Variants in PCDHA3 observed in about 807,000 individuals in gnomAD.
PCDHA3 encodes protocadherin alpha-3.
A neutral mutation model predicts 62.2 loss-of-function variants in PCDHA3; 41 were observed. The observed-to-expected ratio is 0.66, with a 90% CI of 0.51 to 0.86. The LOEUF is 0.86. Ranked by LOEUF, PCDHA3 falls within the 40% of genes least tolerant of loss-of-function variation. The probability of loss-of-function intolerance (pLI) is 0.00; values close to 1 mark genes in which losing one functional copy is unlikely to be tolerated. For synonymous variants in PCDHA3, 640 were observed against 555.4 expected, an observed-to-expected ratio of 1.15 and a Z score of -2.14; for missense variants, 1,304 against 1,241.2, an observed-to-expected ratio of 1.05 and a Z score of -0.76.
rs1762908947 is a variant in PCDHA3, at chr5:140,802,416, T to C, written c.1219T>C (p.Leu407=). The change falls in exon 1 of 4, where the codon TTG becomes CTG. Residue 407 remains leucine, a synonymous_variant. Transcript: ENST00000522353. ...LVSTFKNYYS[L]VLDSPLDRES... is the part of the protein sequence containing the mutation. ...GTCCACCTTCAAGAATTACTACTCA[T>C]TGGTGCTGGACAGCCCTCTGGACCG... 2.5e-6 allele frequency: 4 copies of C among 1,614,218 alleles called. No individual in the cohort carries two copies. The highest frequency in any genetic ancestry group is 2.7e-5 in the African/African-American group (2 of 75,070).
At chr5:140,926,281 T>A (rs2083071196) in intron 1 of PCDHA3, 1 of 152,306 alleles carries the variant, frequency 6.6e-6, no homozygotes, top group African/African-American at 2.4e-5. Context: ...GCTCGGCAGC[T>A]CCACGCTGAG....
At chr5:140,807,199 C>T (rs1554123792) in intron 1 of PCDHA3, 1 of 1,613,498 alleles carries the variant, frequency 6.2e-7, no homozygotes, top group Non-Finnish European at 8.5e-7. Flanking sequence ...TGGAGTTTTC[C>T]TGGGGAAGCG....
Position 140,823,863 on chromosome 5 carries a change from C to A in PCDHA3, c.2394+20272C>A, listed in dbSNP as rs139591086. 8 of 1,613,882 alleles carry A rather than the reference C, an allele frequency of 5.0e-6. No individual in the cohort carries two copies. In the African/African-American group the frequency reaches 8.0e-5, roughly 16 times the overall value. On this transcript the variant is annotated intron_variant, in intron 1 of 3. Transcript: ENST00000522353. ...CCGAGGCTGCCCTGGTGGATGTCAA[C>A]GTGTACCTGATCATCGCCATCTGTG... is the stretch of plus-strand genomic sequence containing the variant.
At position 140,822,525 on chromosome 5, in the gene PCDHA3, G is replaced by T. The variant is rs1479400729; in HGVS notation, c.2394+18934G>T. On this transcript the variant is annotated intron_variant, in intron 1 of 3. Coordinates refer to ENST00000522353, the MANE Select transcript of PCDHA3 (RefSeq NM_018906.3). ...ATAAATCCATTTATAATGTCAGATT[G>T]TTGGAAAATGCACCAAGTGGGACAT... 5.0e-6 allele frequency: 8 copies of T among 1,613,810 alleles called. No homozygotes were observed. In the East Asian group the frequency reaches 1.8e-4, roughly 36 times the overall value.
At chr5:140,829,843 A>T in intron 1 of PCDHA3, 1 of 1,613,926 alleles carries the variant, frequency 6.2e-7, no homozygotes, top group Non-Finnish European at 8.5e-7. Flanking sequence ...TGCCGCGGTC[A>T]CTGGGTGCAG....
intron 1 of PCDHA3, among the ~76,000 whole-genome samples, chr5:140,891,266 T>G (rs1301781810): frequency 1.3e-5 from 2 of 152,188 alleles, no homozygotes; most frequent in Non-Finnish European, 2.9e-5. Context: ...ATTTTTAATT[T>G]TTCCGTAAGT....
rs201478898 is a variant in PCDHA3 at position 140,801,356 on chromosome 5, G to T, written c.159G>T (p.Gly53=). The T allele has an allele frequency of 1.2e-6, 2 of 1,613,398 alleles. No individual in the cohort carries two copies. Among genetic ancestry groups the T allele is most frequent in the Admixed American group, 1.7e-5 (1 of 60,016 alleles). ...TFVGRIAQDL[G]LELAELVPRL... ...TGGGCCGCATCGCGCAGGACCTGGG[G>T]CTGGAGCTGGCGGAGCTGGTGCCGC... is the stretch of plus-strand genomic sequence containing the variant. Residue 53 remains glycine, a synonymous_variant, in exon 1 of 4, where the codon GGG becomes GGT. Transcript: ENST00000522353.
chr5:141,005,701 C>CAAAA (rs59860837), intron 3 of PCDHA3, among the ~76,000 whole-genome samples: 118 of 7,756 alleles, frequency 0.015, 2 homozygotes, highest in East Asian at 0.044. Flanking sequence ...AACTCCGTCT[C>CAAAA]AAAAAAAAAA....
chr5:140,842,916 A>G, intron 1 of PCDHA3: 1 of 1,594,694 alleles, frequency 6.3e-7, no homozygotes, highest in South Asian at 1.1e-5. Context: ...GAGCTGCTGC[A>G]GTTCCAGGTG....
At chr5:140,842,700 A>G in intron 1 of PCDHA3, 1 of 1,595,270 alleles carries the variant, frequency 6.3e-7, no homozygotes, top group Non-Finnish European at 8.6e-7. Flanking sequence ...CAGCCCGAGT[A>G]CACGGTGTTC....
chr5:141,009,975 GTAA>G lies in PCDHA3; in HGVS notation c.*43_*45del. The G allele has an allele frequency of 6.3e-7, 1 of 1,585,060 alleles. No individual in the cohort carries two copies. Among genetic ancestry groups the G allele is most frequent in the Non-Finnish European group, 8.6e-7 (1 of 1,168,878 alleles). ...GAAACAAGCCACTTAGCCAGTTTTT[GTAA>G]TAATGGCAAATCTCTCCCATGTAGC... On this transcript the variant is annotated 3_prime_UTR_variant, in exon 4 of 4. Coordinates refer to ENST00000522353, the MANE Select transcript of PCDHA3 (RefSeq NM_018906.3).
intron 1 of PCDHA3, chr5:140,871,072 G>A: frequency 6.2e-7 from 1 of 1,613,238 alleles, no homozygotes; most frequent in Non-Finnish European, 8.5e-7. Context: ...CGGTGAGCCG[G>A]CGCTGACGGC....
intron 1 of PCDHA3, among the ~76,000 whole-genome samples, chr5:140,978,326 G>A: frequency 6.6e-6 from 1 of 152,202 alleles, no homozygotes; most frequent in East Asian, 1.9e-4. Flanking sequence ...ACAAGTACAA[G>A]TTTATGAAAA....
intron 1 of PCDHA3, among the ~76,000 whole-genome samples, chr5:140,974,552 C>A (rs1554236185): frequency 6.6e-6 from 1 of 152,112 alleles, no homozygotes; most frequent in Non-Finnish European, 1.5e-5. Context: ...GCTCTTGTTG[C>A]CCAGGCTGGA....
At chr5:140,809,162 C>T in intron 1 of PCDHA3, 1 of 1,614,004 alleles carries the variant, frequency 6.2e-7, no homozygotes. Context: ...CGAGCCCGCG[C>T]TGACGGCCAC....
chr5:140,809,439 C>T (rs1187355294), intron 1 of PCDHA3: 3 of 1,614,202 alleles, frequency 1.9e-6, no homozygotes, highest in Non-Finnish European at 1.7e-6. Flanking sequence ...TGGTCATACT[C>T]GCAGCAGAGG....
intron 1 of PCDHA3, among the ~76,000 whole-genome samples, chr5:140,897,896 T>C (rs1377037458): frequency 6.6e-6 from 1 of 152,204 alleles, no homozygotes; most frequent in Non-Finnish European, 1.5e-5. Context: ...TGGTGTGAGA[T>C]GGTATCTCAT....
chr5:140,834,621 C>G lies in PCDHA3; in HGVS notation c.2394+31030C>G, dbSNP rs1479128016. On this transcript the variant is annotated intron_variant, in intron 1 of 3. Coordinates refer to ENST00000522353, the MANE Select transcript of PCDHA3 (RefSeq NM_018906.3). ...TGGGGATCTTCTGGAGGTAAATCTG[C>G]AGAATGGCATTTTGTTTGTGAATTC... The G allele has an allele frequency of 2.5e-6, 4 of 1,614,176 alleles. No homozygotes were observed. In the African/African-American group the frequency reaches 5.3e-5, roughly 22 times the overall value.
At chr5:140,981,601 T>C (rs2096939953) in intron 2 of PCDHA3, among the ~76,000 whole-genome samples, 1 of 152,086 alleles carries the variant, frequency 6.6e-6, no homozygotes, top group Non-Finnish European at 1.5e-5. Flanking sequence ...AACAAAATGT[T>C]CCTCTAATTT....
Sources: allele counts gnomAD v4.1 joint callset (sites outside exome capture counted in the v4.1 genomes callset), GRCh38; gene constraint gnomAD v4.1.1; transcripts MANE v1.5; gene names NCBI Gene and HGNC (gene_info 2026-07-23, HGNC 2026-07-21).